FAM117B: variants seen among roughly 807,000 people sequenced by gnomAD.
The protein encoded by FAM117B is family with sequence similarity 117 member B, also known as protein FAM117B.
Under a neutral mutation model 52.8 loss-of-function variants are expected in FAM117B, and 22 were observed. The observed-to-expected ratio is 0.42, with a 90% CI of 0.30 to 0.59. The LOEUF (loss-of-function observed/expected upper bound fraction) is 0.59, where lower values mean the gene tolerates loss of function less well. Among genes scored for constraint, FAM117B ranks in the 20% least tolerant of loss-of-function variants. FAM117B has a pLI of 0.22. For synonymous variants in FAM117B, 309 were observed against 324.1 expected (o/e 0.95, Z 0.50); for missense variants, 678 against 802.6 (o/e 0.84, Z 1.88).
intron 7 of FAM117B, among the ~76,000 whole-genome samples, chr2:202,762,483 A>C (rs908490566): frequency 6.6e-6 from 1 of 152,228 alleles, no homozygotes; most frequent in African/African-American, 2.4e-5. Flanking sequence ...ATTCTTACAC[A>C]TTATGGCTTC....
rs1352931854 is a variant in FAM117B, at chr2:202,768,008, A to C, written c.*2244A>C. The stretch of plus-strand genomic sequence containing the variant: ...TAACTTGACTGTATCACCACTGAGT[A>C]TCTGCTGTATCAGAAGTTCAGAAGA... On this transcript the variant is annotated 3_prime_UTR_variant, in exon 8 of 8. Transcript: ENST00000392238. 1 of 152,228 alleles carries C rather than the reference A, an allele frequency of 6.6e-6. No individual in the cohort carries two copies. Among genetic ancestry groups the C allele is most frequent in the African/African-American group, 2.4e-5 (1 of 41,458 alleles). 9.4% of individuals were successfully genotyped at this position (152,228 alleles called of 1,614,324 possible). A position where few individuals can be genotyped will look rare whatever the true frequency, so the allele number is the denominator to read the frequency against.
At chr2:202,746,305 G>C (rs143749352) in intron 4 of FAM117B, among the ~76,000 whole-genome samples, 47 of 152,166 alleles carry the variant, frequency 3.1e-4, no homozygotes, top group African/African-American at 9.4e-4. Flanking sequence ...TCAGTAACAA[G>C]AAGGAAATTT....
intron 1 of FAM117B, among the ~76,000 whole-genome samples, chr2:202,673,433 GTTTTTTTTTTTTTTT>G (rs1158185300): frequency 4.0e-4 from 15 of 37,536 alleles, no homozygotes; most frequent in African/African-American, 1.2e-3. Context: ...TTCTTTTTCT[GTTTTTTTTTTTTTTT>G]TTTTTTTTTT....
chr2:202,638,944 T>C (rs1185623780), intron 1 of FAM117B, among the ~76,000 whole-genome samples: 1 of 152,210 alleles, frequency 6.6e-6, no homozygotes, highest in African/African-American at 2.4e-5. Context: ...TAGAACAAAG[T>C]GTTTTCAGAT....
At chr2:202,750,567 A>G (rs1691706644) in intron 4 of FAM117B, among the ~76,000 whole-genome samples, 1 of 152,162 alleles carries the variant, frequency 6.6e-6, no homozygotes, top group Non-Finnish European at 1.5e-5. Context: ...CCATGTCCAA[A>G]TACAGCCACA....
intron 4 of FAM117B, among the ~76,000 whole-genome samples, chr2:202,730,391 C>T (rs1691321600): frequency 1.3e-5 from 2 of 152,200 alleles, no homozygotes; most frequent in Admixed American, 6.5e-5. Flanking sequence ...GATTTAAGGC[C>T]GGCCGTGGTG....
intron 1 of FAM117B, among the ~76,000 whole-genome samples, chr2:202,669,757 T>C (rs1690261675): frequency 6.6e-6 from 1 of 152,210 alleles, no homozygotes; most frequent in African/African-American, 2.4e-5. Flanking sequence ...TTGAGTGCTT[T>C]ATTGGGTCAA....
At chr2:202,722,491 A>G (rs1691171953) in intron 2 of FAM117B, among the ~76,000 whole-genome samples, 1 of 152,230 alleles carries the variant, frequency 6.6e-6, no homozygotes, top group Admixed American at 6.5e-5. Flanking sequence ...CTGTGCAGCC[A>G]TAAAAATAAA....
At chr2:202,696,373 T>A (rs945764106) in intron 2 of FAM117B, among the ~76,000 whole-genome samples, 1 of 152,196 alleles carries the variant, frequency 6.6e-6, no homozygotes, top group African/African-American at 2.4e-5. Flanking sequence ...AGACGAAGAA[T>A]TGTATTGGGC....
chr2:202,744,588 C>A (rs1037014679), intron 4 of FAM117B, among the ~76,000 whole-genome samples: 7 of 151,944 alleles, frequency 4.6e-5, no homozygotes, highest in African/African-American at 1.7e-4. Flanking sequence ...CTTTACAGGC[C>A]AGGAGAGAAT....
intron 1 of FAM117B, among the ~76,000 whole-genome samples, chr2:202,657,205 A>T (rs923789532): frequency 6.6e-6 from 1 of 152,084 alleles, no homozygotes; most frequent in Non-Finnish European, 1.5e-5. Context: ...CTTGTGCCTC[A>T]GCCTCCTGAG....
At chr2:202,652,010 G>A (rs987765089) in intron 1 of FAM117B, among the ~76,000 whole-genome samples, 24 of 148,730 alleles carry the variant, frequency 1.6e-4, no homozygotes, top group Non-Finnish European at 3.1e-4. Context: ...CTGAGGTGGT[G>A]CCATTGCACT....
chr2:202,765,621 A>G lies in FAM117B; in HGVS notation c.1627A>G (p.Thr543Ala), dbSNP rs772940319. Reference protein sequence around the residue: ...GHSLTVTTGMTTTLLQPIAVA... With the variant: ...GHSLTVTTGMATTLLQPIAVA... ...CAGCCTGACAGTCACCACTGGCATG[A>G]CAACCACTCTGCTGCAGCCTATTGC... The change falls in exon 8 of 8, where the codon ACA becomes GCA. Residue 543 changes from threonine to alanine, a missense_variant. Physicochemically the swap from Thr to Ala is moderately conservative, Grantham distance 58 (BLOSUM62 0). Transcript: ENST00000392238. The G allele has an allele frequency of 6.2e-7, 1 of 1,614,174 alleles. No homozygotes were observed. Among genetic ancestry groups the G allele is most frequent in the South Asian group, 1.1e-5 (1 of 91,074 alleles).
At chr2:202,699,887 T>G (rs962129075) in intron 2 of FAM117B, among the ~76,000 whole-genome samples, 6 of 152,216 alleles carry the variant, frequency 3.9e-5, no homozygotes, top group African/African-American at 1.4e-4. Flanking sequence ...CTGCCCCATT[T>G]TGGTAGTTCT....
At chr2:202,666,032 T>C (rs1230602830) in intron 1 of FAM117B, among the ~76,000 whole-genome samples, 2 of 152,206 alleles carry the variant, frequency 1.3e-5, no homozygotes, top group Non-Finnish European at 1.5e-5. Context: ...AACAAATAGC[T>C]ATAAATATGT....
At chr2:202,743,368 G>A (rs898854935) in intron 4 of FAM117B, among the ~76,000 whole-genome samples, 35 of 152,018 alleles carry the variant, frequency 2.3e-4, no homozygotes, top group Admixed American at 1.1e-3. Context: ...CCCAAGCAAC[G>A]CAACAGATAA....
In FAM117B at chr2:202,716,759, A is replaced by G. The variant is rs146883712; in HGVS notation, c.754-8158A>G. 3.6e-3 allele frequency among the ~76,000 whole-genome samples: 555 copies of G among 152,212 alleles called. 4 individuals are homozygous for G. Among genetic ancestry groups the G allele is most frequent in the African/African-American group, 0.013 (533 of 41,540 alleles). On this transcript the variant is annotated intron_variant, in intron 2 of 7. Coordinates refer to ENST00000392238, the MANE Select transcript of FAM117B (RefSeq NM_173511.4). ...TGTGTTTTCAAATAAACTGTCTTCA[A>G]GCTCACTAATTCTTTCCTCTGCTTG...
intron 1 of FAM117B, among the ~76,000 whole-genome samples, chr2:202,688,655 C>T (rs1690579190): frequency 6.6e-6 from 1 of 151,980 alleles, no homozygotes; most frequent in Non-Finnish European, 1.5e-5. Flanking sequence ...AAAAGTATGA[C>T]TATTTTAGAA....
At chr2:202,760,532 G>T (rs1378857300) in intron 7 of FAM117B, among the ~76,000 whole-genome samples, 2 of 152,100 alleles carry the variant, frequency 1.3e-5, no homozygotes, top group East Asian at 3.9e-4. Context: ...CTTCCCATGG[G>T]TTAAGGCAGT....
Sources: gnomAD v4.1 joint callset for allele counts (sites outside exome capture counted in the v4.1 genomes callset) on GRCh38, gnomAD v4.1.1 for gene constraint, MANE v1.5 for transcripts, NCBI Gene and HGNC (gene_info 2026-07-23, HGNC 2026-07-21) for gene names.